Variants in TBCE observed in about 807,000 individuals in gnomAD.
The protein encoded by TBCE is tubulin folding cofactor E.
In TBCE, 53 loss-of-function variants were observed where a neutral mutation model predicts 77.0. That is an observed-to-expected ratio of 0.69 (90% confidence interval 0.55 to 0.87). The LOEUF (loss-of-function observed/expected upper bound fraction) is 0.87. Ranked by LOEUF, TBCE falls within the 40% of genes least tolerant of loss-of-function variation. The pLI is 0.00. For synonymous variants in TBCE, 235 were observed against 241.3 expected (o/e 0.97, Z 0.24); for missense variants, 624 against 622.4 (o/e 1.00, Z -0.03).
chr1:235,368,763 G>T (rs939916443), intron 1 of TBCE, among the ~76,000 whole-genome samples: 1 of 149,828 alleles, frequency 6.7e-6, no homozygotes, highest in African/African-American at 2.5e-5. Flanking sequence ...ATGGGGTTTC[G>T]CCATGTTGGC....
intron 3 of TBCE, among the ~76,000 whole-genome samples, chr1:235,404,160 C>T (rs1397767239): frequency 6.6e-6 from 1 of 151,980 alleles, no homozygotes; most frequent in African/African-American, 2.4e-5. Flanking sequence ...GCCTGTAGTC[C>T]CAGCTACTCA....
At position 235,383,189 on chromosome 1, in the gene TBCE, A is replaced by G. The variant is rs1404483638; in HGVS notation, c.100+3040A>G. 4.1e-3 allele frequency among the ~76,000 whole-genome samples: 607 copies of G among 149,086 alleles called. 5 individuals are homozygous for G. The highest frequency in any genetic ancestry group is 0.014 in the African/African-American group (581 of 40,804). On this transcript the variant is annotated intron_variant, in intron 2 of 16. Coordinates refer to ENST00000642610, the MANE Select transcript of TBCE (RefSeq NM_003193.5). ...CATTGATCTATATCTCTGTTTTGGT[A>G]CCAGTACCATGCTGTTTTGGTTACT...
intron 3 of TBCE, among the ~76,000 whole-genome samples, chr1:235,410,269 A>T (rs1056855861): frequency 6.6e-6 from 1 of 152,070 alleles, no homozygotes; most frequent in Non-Finnish European, 1.5e-5. Context: ...TAATAAAGGA[A>T]TAACGAATGG....
chr1:235,392,335 A>G (rs1678438714), intron 2 of TBCE, among the ~76,000 whole-genome samples: 1 of 151,758 alleles, frequency 6.6e-6, no homozygotes, highest in South Asian at 2.1e-4. Flanking sequence ...AGGCTGGGTG[A>G]CAGAGCAAGT....
rs1198871215 is a variant in TBCE at position 235,370,824 on chromosome 1, C to T, written c.-32+3320C>T. 7.3e-5 allele frequency among the ~76,000 whole-genome samples: 11 copies of T among 150,684 alleles called. No homozygotes were observed. The Admixed American group carries it at 7.3e-4, about 10-fold the overall frequency. The stretch of plus-strand genomic sequence containing the variant: ...TTGTGTGATGTCGGCTCACTGCAAC[C>T]TCCGCCTCCCGGGTTCAAGCGATTC... On this transcript the variant is annotated intron_variant, in intron 1 of 16. Coordinates refer to ENST00000642610, the MANE Select transcript of TBCE (RefSeq NM_003193.5).
At chr1:235,422,072 G>A (rs1345657500) in intron 5 of TBCE, among the ~76,000 whole-genome samples, 1 of 152,210 alleles carries the variant, frequency 6.6e-6, no homozygotes, top group Non-Finnish European at 1.5e-5. Flanking sequence ...CCAGCGTGCT[G>A]CAAATATGAG....
chr1:235,377,216 T>A (rs1381140581), intron 1 of TBCE, among the ~76,000 whole-genome samples: 1 of 152,236 alleles, frequency 6.6e-6, no homozygotes, highest in African/African-American at 2.4e-5. Context: ...AATTTTGCTC[T>A]GTCGCCAGGC....
At chr1:235,413,037 A>T (rs1425263849) in intron 3 of TBCE, among the ~76,000 whole-genome samples, 1 of 152,132 alleles carries the variant, frequency 6.6e-6, no homozygotes, top group Admixed American at 6.5e-5. Context: ...TCCTGACCTT[A>T]GGTGATCCGC....
chr1:235,447,522 A>ATGAT (rs533015778), intron 15 of TBCE, among the ~76,000 whole-genome samples: 108 of 152,356 alleles, frequency 7.1e-4, no homozygotes, highest in African/African-American at 2.4e-3. Context: ...ACAGTTACAC[A>ATGAT]TGATGTAATT....
chr1:235,409,226 C>CCA (rs1679636034), intron 3 of TBCE, among the ~76,000 whole-genome samples: 1 of 152,116 alleles, frequency 6.6e-6, no homozygotes, highest in Admixed American at 6.6e-5. Flanking sequence ...GATGATTTTA[C>CCA]CAGCAGCATG....
chr1:235,387,943 G>A (rs956762899), intron 2 of TBCE, among the ~76,000 whole-genome samples: 1 of 152,176 alleles, frequency 6.6e-6, no homozygotes, highest in African/African-American at 2.4e-5. Flanking sequence ...TGCACAATAA[G>A]GTTTGGTGAA....
chr1:235,420,724 G>A (rs954757766), intron 5 of TBCE, among the ~76,000 whole-genome samples: 2 of 152,044 alleles, frequency 1.3e-5, no homozygotes, highest in Admixed American at 6.6e-5. Context: ...CTGGTCATCC[G>A]CCCACCTTGG....
Position 235,449,022 on chromosome 1 carries a change from T to TTCTGTG in TBCE, c.*260_*261insTCTGTG. 2.6e-6 allele frequency: 1 copy of TTCTGTG among 381,246 alleles called. No individual in the cohort carries two copies. The highest frequency in any genetic ancestry group is 2.3e-5 in the South Asian group (1 of 42,562). 23.6% of individuals were successfully genotyped at this position (381,246 alleles called of 1,614,324 possible). ...TTTTACAGCTCATCACTGCATTTCA[T>TTCTGTG]GATAAGATTTAAATATTAAATAGAA... On this transcript the variant is annotated 3_prime_UTR_variant, in exon 17 of 17. Coordinates refer to ENST00000642610, the MANE Select transcript of TBCE (RefSeq NM_003193.5).
rs144338610 is a variant in TBCE, at chr1:235,436,840, C to T, written c.963+232C>T. On this transcript the variant is annotated intron_variant, in intron 11 of 16. Coordinates refer to ENST00000642610, the MANE Select transcript of TBCE (RefSeq NM_003193.5). ...GGCACATTAATAGAGTAAAAGGGGC[C>T]GGGTGTGGTGGCTCAAGCCTGTAAT... 0.011 allele frequency among the ~76,000 whole-genome samples: 1,610 copies of T among 152,132 alleles called. 19 individuals carry two copies. The highest frequency in any genetic ancestry group is 0.015 in the Non-Finnish European group (1,015 of 68,010).
At position 235,451,002 on chromosome 1, in the gene TBCE, A is replaced by G. The variant is rs1259842503; in HGVS notation, c.*2240A>G. Reference sequence around the variant, plus strand: ...AACACAAAAATGTTGGATAAAATTAAAAACCTTTATAAAGCATGGCTCAAC... The same window carrying G: ...AACACAAAAATGTTGGATAAAATTAGAAACCTTTATAAAGCATGGCTCAAC... On this transcript the variant is annotated 3_prime_UTR_variant, in exon 17 of 17. Transcript: ENST00000642610. 6.6e-6 allele frequency: 1 copy of G among 152,270 alleles called. No homozygotes were observed. The highest frequency in any genetic ancestry group is 6.5e-5 in the Admixed American group (1 of 15,276). The allele number at this position is 152,270 out of a possible 1,614,324, so 9.4% of individuals were successfully genotyped here.
At chr1:235,380,942 C>T (rs868143161) in intron 2 of TBCE, among the ~76,000 whole-genome samples, 1 of 152,122 alleles carries the variant, frequency 6.6e-6, no homozygotes, top group Non-Finnish European at 1.5e-5. Flanking sequence ...TGTGCCACCA[C>T]ACCCGACTAA....
At chr1:235,414,694 A>G (rs1680017027) in intron 4 of TBCE, 76 bp downstream of exon 4, 1 of 1,424,138 alleles carries the variant, frequency 7.0e-7, no homozygotes, top group South Asian at 1.2e-5. Context: ...CCATGACTGT[A>G]TATGGATGCT....
rs1392694228 is a variant in TBCE at position 235,451,065 on chromosome 1, T to G, written c.*2303T>G. On this transcript the variant is annotated 3_prime_UTR_variant, in exon 17 of 17. Coordinates refer to ENST00000642610, the MANE Select transcript of TBCE (RefSeq NM_003193.5). ...GAAGAAACAGGGTAGGAGAAAGCAC[T>G]GAGTCAGCCTGTGCCTTGAAGGCAG... 6.6e-6 allele frequency: 1 copy of G among 152,228 alleles called. No individual in the cohort carries two copies. The highest frequency in any genetic ancestry group is 6.5e-5 in the Admixed American group (1 of 15,276). The allele number at this position is 152,228 out of a possible 1,614,324, so 9.4% of individuals were successfully genotyped here.
At chr1:235,381,540 C>T (rs1558348008) in intron 2 of TBCE, among the ~76,000 whole-genome samples, 4 of 151,702 alleles carry the variant, frequency 2.6e-5, no homozygotes, top group Non-Finnish European at 2.9e-5. Flanking sequence ...AAAAATTAGC[C>T]GGATGTGGTG....
Sources: gnomAD v4.1 joint callset for allele counts (sites outside exome capture counted in the v4.1 genomes callset) on GRCh38, gnomAD v4.1.1 for gene constraint, MANE v1.5 for transcripts, NCBI Gene and HGNC (gene_info 2026-07-23, HGNC 2026-07-21) for gene names.